Variants in ACBD6 observed in about 807,000 individuals in gnomAD.
The protein encoded by ACBD6 is acyl-CoA-binding domain-containing protein 6.
Under a neutral mutation model 37.2 loss-of-function variants are expected in ACBD6, and 28 were observed. That is an observed-to-expected ratio of 0.75 (90% confidence interval 0.56 to 1.03). ACBD6 has a LOEUF of 1.03. ACBD6 is among the 50% of genes least tolerant of loss of function. ACBD6 has a pLI of 0.00. For missense variants in ACBD6, 340 were observed against 337.4 expected (o/e 1.01, Z -0.06); for synonymous variants, 113 against 126.8 (o/e 0.89, Z 0.73).
chr1:180,388,175 C>CA (rs34156282), intron 6 of ACBD6, among the ~76,000 whole-genome samples: 4,404 of 110,998 alleles, frequency 0.04, 82 homozygotes, highest in African/African-American at 0.057. Context: ...GACTCCGTCT[C>CA]AAAAAAAAAA....
chr1:180,395,775 A>G (rs1036499394), intron 6 of ACBD6, among the ~76,000 whole-genome samples: 14 of 152,348 alleles, frequency 9.2e-5, no homozygotes, highest in African/African-American at 3.4e-4. Flanking sequence ...TAGAATTATC[A>G]TATGATCAAG....
At chr1:180,351,733 G>T (rs756149502) in intron 6 of ACBD6, among the ~76,000 whole-genome samples, 1 of 152,010 alleles carries the variant, frequency 6.6e-6, no homozygotes, top group Non-Finnish European at 1.5e-5. Flanking sequence ...AATGTAAAAT[G>T]GTGCACCTGC....
intron 7 of ACBD6, among the ~76,000 whole-genome samples, chr1:180,313,664 G>A (rs1033414095): frequency 1.3e-5 from 2 of 152,134 alleles, no homozygotes; most frequent in African/African-American, 2.4e-5. Context: ...TGTAAATACC[G>A]ATGGCTGTCT....
chr1:180,413,024 T>A (rs1647922865), intron 5 of ACBD6, among the ~76,000 whole-genome samples: 1 of 152,222 alleles, frequency 6.6e-6, no homozygotes, highest in Admixed American at 6.5e-5. Context: ...CTGTTCAAGG[T>A]ATAATAACGG....
rs527826512 is a variant in ACBD6 at position 180,495,678 on chromosome 1, C to G, written c.223-153G>C. On this transcript the variant is annotated intron_variant, in intron 1 of 7. Transcript: ENST00000367595. ...CAAAATTTAACATTCTTTGCCAAAG[C>G]AAACAAAAACAATCAAACAGAATCA... Among the ~76,000 whole-genome samples the G allele has an allele frequency of 6.6e-6, 1 of 152,232 alleles. No individual in the cohort carries two copies. Among genetic ancestry groups the G allele is most frequent in the African/African-American group, 2.4e-5 (1 of 41,546 alleles).
At chr1:180,462,547 T>A (rs1299323300) in intron 3 of ACBD6, among the ~76,000 whole-genome samples, 1 of 152,268 alleles carries the variant, frequency 6.6e-6, no homozygotes, top group East Asian at 1.9e-4. Context: ...TAAATATATA[T>A]GCACCCAACA....
intron 3 of ACBD6, among the ~76,000 whole-genome samples, chr1:180,483,224 C>A (rs543806089): frequency 6.6e-6 from 1 of 152,118 alleles, no homozygotes; most frequent in South Asian, 2.1e-4. Flanking sequence ...AATGTTCTTC[C>A]CCCTGTATGG....
rs950654058 is a variant in ACBD6 at position 180,430,336 on chromosome 1, A to G, written c.385-74T>C. ...AATAGGTATTTAAATCAGTTACAAA[A>G]TGTTATTTTGCTAAGAAAGACTAAG... On this transcript the variant is annotated intron_variant, in intron 3 of 7. Transcript: ENST00000367595. 5 of 1,276,538 alleles carry G rather than the reference A, an allele frequency of 3.9e-6. No individual in the cohort carries two copies. In the Admixed American group the frequency reaches 6.8e-5, roughly 17 times the overall value. The allele number at this position is 1,276,538 out of a possible 1,614,324, so 79.1% of individuals were successfully genotyped here. A position where few individuals can be genotyped will look rare whatever the true frequency, so the allele number is the denominator to read the frequency against.
chr1:180,334,029 G>A (rs1201493317), intron 6 of ACBD6, among the ~76,000 whole-genome samples: 1 of 152,190 alleles, frequency 6.6e-6, no homozygotes, highest in African/African-American at 2.4e-5. Flanking sequence ...AGCTCCAACT[G>A]GGTGGAGCCC....
In ACBD6 at chr1:180,455,591, A is replaced by C. The variant is rs74132854; in HGVS notation, c.385-25329T>G. The stretch of plus-strand genomic sequence containing the variant: ...TACCTAAAAGTGAAAAAAAGTTCAG[A>C]TACTTGAAAAGGTAGGTTTGATTTG... On this transcript the variant is annotated intron_variant, in intron 3 of 7. Transcript: ENST00000367595. Among the ~76,000 whole-genome samples the C allele has an allele frequency of 6.0e-3, 907 of 152,308 alleles. 9 individuals carry two copies. The highest frequency in any genetic ancestry group is 0.02 in the African/African-American group (850 of 41,572).
rs766166778 is a variant in ACBD6 at position 180,502,159 on chromosome 1, G to A, written c.108C>T (p.Ile36=). 6.2e-6 allele frequency: 10 copies of A among 1,614,056 alleles called. No homozygotes were observed. Among genetic ancestry groups the A allele is most frequent in the South Asian group, 1.1e-5 (1 of 91,074 alleles). Residue 36 remains isoleucine, a synonymous_variant, in exon 1 of 8, where the codon ATC becomes ATT. Transcript: ENST00000367595. ...GCTCGGCCAGGCAACTGGTCTCCTCGATCTCAGGGCTATGGGGGAACTCCA... is the reference window on the plus strand; with the variant it reads ...GCTCGGCCAGGCAACTGGTCTCCTCAATCTCAGGGCTATGGGGGAACTCCA... ...GEVEFPHSPE[I]EETSCLAELF... is the part of the protein sequence containing the mutation.
At chr1:180,372,137 A>C (rs187966231) in intron 6 of ACBD6, among the ~76,000 whole-genome samples, 17 of 152,314 alleles carry the variant, frequency 1.1e-4, no homozygotes, top group Admixed American at 9.8e-4. Flanking sequence ...ACTCAATAGG[A>C]ATTTAAGGTT....
At chr1:180,476,242 G>GT (rs1650779605) in intron 3 of ACBD6, among the ~76,000 whole-genome samples, 1 of 152,156 alleles carries the variant, frequency 6.6e-6, no homozygotes, top group Non-Finnish European at 1.5e-5. Context: ...CACACGTTCT[G>GT]TTTAAGTTAT....
intron 10 of ACBD6, chr1:180,274,244 G>A (rs375787650): frequency 8.1e-6 from 13 of 1,614,094 alleles, no homozygotes; most frequent in Admixed American, 3.3e-5. Flanking sequence ...CGTGGGGGAC[G>A]TTACAGGCGG....
chr1:180,453,110 C>T (rs1472083979), intron 3 of ACBD6, among the ~76,000 whole-genome samples: 2 of 152,146 alleles, frequency 1.3e-5, no homozygotes, highest in Non-Finnish European at 2.9e-5. Context: ...AGAGACACAA[C>T]AGAAAAAGAA....
intron 3 of ACBD6, among the ~76,000 whole-genome samples, chr1:180,465,573 T>C (rs1650316907): frequency 1.3e-5 from 2 of 152,096 alleles, no homozygotes; most frequent in Non-Finnish European, 2.9e-5. Flanking sequence ...GGAGTGTAAA[T>C]TAGTTCAACC....
At chr1:180,452,371 G>A (rs1286653015) in intron 3 of ACBD6, among the ~76,000 whole-genome samples, 2 of 152,082 alleles carry the variant, frequency 1.3e-5, no homozygotes, top group African/African-American at 2.4e-5. Flanking sequence ...TCGGGAGGCT[G>A]AGGCAGGAGA....
chr1:180,271,877 A>G (rs1648684491), exon 14 of ACBD6: 1 of 1,613,674 alleles, frequency 6.2e-7, no homozygotes, highest in Non-Finnish European at 8.5e-7. Context: ...ACGCCTGAAG[A>G]AGGATGCAGG....
chr1:180,464,917 C>CA (rs1481925164), intron 3 of ACBD6, among the ~76,000 whole-genome samples: 27 of 151,718 alleles, frequency 1.8e-4, no homozygotes, highest in Admixed American at 9.2e-4. Context: ...ACAAAGCTGA[C>CA]AAAAGCAATG....
Sources: gnomAD v4.1 joint callset for allele counts (sites outside exome capture counted in the v4.1 genomes callset) on GRCh38, gnomAD v4.1.1 for gene constraint, MANE v1.5 for transcripts, NCBI Gene and HGNC (gene_info 2026-07-23, HGNC 2026-07-21) for gene names.